EXOC1L: variants seen among roughly 807,000 people sequenced by gnomAD.
The protein encoded by EXOC1L is exocyst complex component 1-like.
A neutral mutation model predicts 4.9 loss-of-function variants in EXOC1L; 10 were observed. The ratio of observed to expected loss-of-function variants is 2.02; its 90% CI spans 1.25 to 3.43. The LOEUF (loss-of-function observed/expected upper bound fraction) is 3.43. EXOC1L is among the 30% of genes most tolerant of loss of function. EXOC1L has a pLI of 0.00. For synonymous variants in EXOC1L, 41 were observed against 20.8 expected (o/e 1.97, Z -2.63); for missense variants, 114 against 59.4 (o/e 1.92, Z -3.02).
intron 1 of EXOC1L, among the ~76,000 whole-genome samples, chr4:55,822,775 T>C (rs181669228): frequency 6.3e-4 from 96 of 152,286 alleles, no homozygotes; most frequent in Admixed American, 2.7e-3. Context: ...AAAACACTTA[T>C]ATCTGCCCAC....
At chr4:55,836,197 T>A (rs1469375698) in intron 2 of EXOC1L, among the ~76,000 whole-genome samples, 2 of 152,030 alleles carry the variant, frequency 1.3e-5, no homozygotes, top group Non-Finnish European at 3.0e-5. Context: ...CCTCTGCCTA[T>A]TTGTTATTTA....
intron 2 of EXOC1L, among the ~76,000 whole-genome samples, chr4:55,835,456 A>G (rs371544352): frequency 2.6e-5 from 4 of 151,948 alleles, no homozygotes; most frequent in East Asian, 3.9e-4. Flanking sequence ...TGGTTGTGCT[A>G]GTTTACATTC....
At position 55,820,134 on chromosome 4, in the gene EXOC1L, C is replaced by A. The variant is rs1378365521; in HGVS notation, c.108C>A (p.Tyr36Ter). The A allele has an allele frequency of 5.0e-6, 2 of 398,806 alleles. No homozygotes were observed. Among genetic ancestry groups the A allele is most frequent in the Non-Finnish European group, 8.8e-6 (2 of 226,046 alleles). The allele number at this position is 398,806 out of a possible 1,614,324, so 24.7% of individuals were successfully genotyped here. The change falls in exon 1 of 3, where the codon TAC becomes TAA. Residue 36 changes from tyrosine (Y) to a stop codon, truncating the protein, a stop_gained. Coordinates refer to ENST00000636125, the MANE Select transcript of EXOC1L (RefSeq NM_001351574.3). LOFTEE classifies it high-confidence loss of function. ...EIEFSVQDRY[Y>*]LCVSVTKKEE... Reference sequence around the variant, plus strand: ...AGTTCTCCGTCCAGGACAGGTATTACCTCTGTGTGTCAGGTAATCTGTTCC... The same window carrying A: ...AGTTCTCCGTCCAGGACAGGTATTAACTCTGTGTGTCAGGTAATCTGTTCC...
At chr4:55,829,495 A>G (rs2110283381) in intron 1 of EXOC1L, among the ~76,000 whole-genome samples, 1 of 152,296 alleles carries the variant, frequency 6.6e-6, no homozygotes, top group South Asian at 2.1e-4. Flanking sequence ...TCTTCCATGT[A>G]TCCTGTACAT....
chr4:55,831,289 A>G, intron 1 of EXOC1L, 45 bp from the exon 2 acceptor site: 1 of 518,220 alleles, frequency 1.9e-6, no homozygotes, highest in Non-Finnish European at 3.4e-6. Context: ...ATAATTTATT[A>G]GCTTCTAAGA....
At chr4:55,820,564 A>G (rs1719715369) in intron 1 of EXOC1L, among the ~76,000 whole-genome samples, 1 of 152,222 alleles carries the variant, frequency 6.6e-6, no homozygotes, top group African/African-American at 2.4e-5. Flanking sequence ...ACTCGTCTGG[A>G]ACACTGGCAT....
intron 2 of EXOC1L, among the ~76,000 whole-genome samples, chr4:55,835,468 C>T (rs1159559721): frequency 3.3e-5 from 5 of 151,948 alleles, no homozygotes; most frequent in African/African-American, 1.2e-4. Flanking sequence ...TTTACATTCC[C>T]ACCAGCAGTG....
intron 2 of EXOC1L, among the ~76,000 whole-genome samples, chr4:55,833,380 A>G (rs533898832): frequency 2.0e-5 from 3 of 151,916 alleles, no homozygotes; most frequent in African/African-American, 7.2e-5. Flanking sequence ...ATATGTCAGT[A>G]TATGTATATA....
At position 55,819,814 on chromosome 4, in the gene EXOC1L, C is replaced by T; in HGVS notation, c.-213C>T. 2.9e-6 allele frequency: 1 copy of T among 344,056 alleles called. No homozygotes were observed. The highest frequency in any genetic ancestry group is 4.3e-5 in the East Asian group (1 of 23,066). 21.3% of individuals were successfully genotyped at this position (344,056 alleles called of 1,614,324 possible). On this transcript the variant is annotated 5_prime_UTR_variant, in exon 1 of 3. Coordinates refer to ENST00000636125, the MANE Select transcript of EXOC1L (RefSeq NM_001351574.3). ...ATTTTGGCTGCCGCCGCCGCTGCTG[C>T]CACTGGGCAGATACCGCAGTGAGGG...
chr4:55,824,273 T>TCTCACACACA (rs762230810), intron 1 of EXOC1L, among the ~76,000 whole-genome samples: 2 of 147,178 alleles, frequency 1.4e-5, no homozygotes, highest in African/African-American at 2.5e-5. Flanking sequence ...TCTCTCTCTC[T>TCTCACACACA]CACACACACA....
rs536626843 is a variant in EXOC1L at position 55,830,256 on chromosome 4, C to G, written c.122-1078C>G. On this transcript the variant is annotated intron_variant, in intron 1 of 2. Transcript: ENST00000636125. ...CATGTCAAAGTGATGCTTTCCAGAA[C>G]CAAGGGAGAGTCACTCTTAGAAGAC... Among the ~76,000 whole-genome samples the G allele has an allele frequency of 3.9e-4, 59 of 152,258 alleles. 1 individual carries two copies. The highest frequency in any genetic ancestry group is 1.4e-3 in the African/African-American group (58 of 41,552).
At chr4:55,832,446 C>A (rs1242550049) in intron 2 of EXOC1L, among the ~76,000 whole-genome samples, 3 of 151,946 alleles carry the variant, frequency 2.0e-5, no homozygotes, top group African/African-American at 7.2e-5. Context: ...ATTTAATGAG[C>A]ACAACATTGA....
intron 2 of EXOC1L, among the ~76,000 whole-genome samples, chr4:55,832,002 C>G (rs1041381533): frequency 2.0e-5 from 3 of 151,960 alleles, no homozygotes; most frequent in Non-Finnish European, 4.4e-5. Flanking sequence ...GAACCCTTCC[C>G]CCTTGAACTT....
intron 1 of EXOC1L, among the ~76,000 whole-genome samples, chr4:55,826,838 T>C (rs779649180): frequency 9.9e-5 from 15 of 152,240 alleles, no homozygotes; most frequent in Non-Finnish European, 1.9e-4. Context: ...ACTCCTTAGC[T>C]ATAAAGGAAG....
At chr4:55,829,168 C>T (rs1032958030) in intron 1 of EXOC1L, among the ~76,000 whole-genome samples, 1 of 152,150 alleles carries the variant, frequency 6.6e-6, no homozygotes, top group Admixed American at 6.5e-5. Context: ...ACATCCCATG[C>T]CCAGGTTACT....
In EXOC1L at chr4:55,837,189, T is replaced by G. The variant is rs1720187327; in HGVS notation, c.357T>G (p.His119Gln). The G allele has an allele frequency of 2.8e-6, 2 of 702,036 alleles. No homozygotes were observed. The highest frequency in any genetic ancestry group is 5.2e-6 in the Non-Finnish European group (2 of 384,366). The allele number at this position is 702,036 out of a possible 1,614,324, so 43.5% of individuals were successfully genotyped here. A position where few individuals can be genotyped will look rare whatever the true frequency, so the allele number is the denominator to read the frequency against. ...CTCGAACTGTAAATAAGCTGAATCA[T>G]GCATATCTTAAAAAGGACTTACAGA... ...AFARTVNKLN[H>Q]AYLKKDLQIV... Residue 119 changes from histidine to glutamine, a missense_variant, in exon 3 of 3, where the codon CAT (histidine) becomes CAG (glutamine). His to Gln is a conservative substitution (Grantham distance 24). Transcript: ENST00000636125.
chr4:55,829,707 T>C (rs77319745), intron 1 of EXOC1L, among the ~76,000 whole-genome samples: 3,139 of 152,276 alleles, frequency 0.021, 124 homozygotes, highest in African/African-American at 0.072. Flanking sequence ...TCAGCTCAAC[T>C]GGCTGTCTTG....
intron 1 of EXOC1L, among the ~76,000 whole-genome samples, chr4:55,820,924 TGAACA>T (rs1359351787): frequency 6.6e-6 from 1 of 152,222 alleles, no homozygotes; most frequent in African/African-American, 2.4e-5. Flanking sequence ...ATGCCATTAT[TGAACA>T]GAATATACAG....
intron 1 of EXOC1L, among the ~76,000 whole-genome samples, chr4:55,827,655 C>T (rs1298112992): frequency 1.3e-5 from 2 of 152,176 alleles, no homozygotes; most frequent in East Asian, 1.9e-4. Context: ...GTGGAATTTG[C>T]TCCATGAAAA....
Sources: allele counts gnomAD v4.1 joint callset (sites outside exome capture counted in the v4.1 genomes callset), GRCh38; gene constraint gnomAD v4.1.1; transcripts MANE v1.5; gene names NCBI Gene and HGNC (gene_info 2026-07-23, HGNC 2026-07-21).